Variants in HERC4 observed in about 807,000 individuals in gnomAD.
HERC4 encodes probable E3 ubiquitin-protein ligase HERC4.
A neutral mutation model predicts 124.3 loss-of-function variants in HERC4; 28 were observed. The ratio of observed to expected loss-of-function variants is 0.23; its 90% CI spans 0.17 to 0.31. HERC4 has a LOEUF of 0.31. Among genes scored for constraint, HERC4 ranks in the 10% least tolerant of loss-of-function variants. The probability of loss-of-function intolerance (pLI) is 1.00; values close to 1 mark genes in which losing one functional copy is unlikely to be tolerated. For synonymous variants in HERC4, 407 were observed against 421.5 expected (o/e 0.97, Z 0.42); for missense variants, 713 against 1,229.3 (o/e 0.58, Z 6.28).
chr10:67,925,132 C>CA lies in HERC4; in HGVS notation c.2893dup (p.Trp965LeufsTer22). 3 of 1,606,476 alleles carry CA rather than the reference C, an allele frequency of 1.9e-6. No homozygotes were observed. The highest frequency in any genetic ancestry group is 2.6e-6 in the Non-Finnish European group (3 of 1,173,462). ...CAATGGTAATTCGTGAAATACTTCC[C>CA]AAAAAATTTTTATCGTAGGATGTTC... On this transcript the variant is annotated frameshift_variant, in exon 24 of 25. Coordinates refer to ENST00000373700, the MANE Select transcript of HERC4 (RefSeq NM_015601.4). LOFTEE classifies it high-confidence loss of function.
chr10:68,018,959 G>T (rs1564553510), intron 8 of HERC4, among the ~76,000 whole-genome samples: 2 of 118,002 alleles, frequency 1.7e-5, no homozygotes, highest in East Asian at 2.7e-4. Flanking sequence ...TTATATGAAA[G>T]TAATAAAGGT....
intron 16 of HERC4, among the ~76,000 whole-genome samples, chr10:67,964,023 A>G (rs2034695478): frequency 6.6e-6 from 1 of 151,542 alleles, no homozygotes; most frequent in Non-Finnish European, 1.5e-5. Flanking sequence ...GGAAATATTT[A>G]TTCAAAACTG....
chr10:68,012,426 T>G (rs957061152), intron 9 of HERC4, among the ~76,000 whole-genome samples: 5 of 152,216 alleles, frequency 3.3e-5, no homozygotes, highest in Non-Finnish European at 5.9e-5. Context: ...TTCTTTTCAC[T>G]TATGTACTTA....
intron 3 of HERC4, among the ~76,000 whole-genome samples, chr10:68,054,244 T>C (rs979728228): frequency 6.6e-6 from 1 of 152,160 alleles, no homozygotes; most frequent in African/African-American, 2.4e-5. Context: ...AGAGAAAAGA[T>C]TGGGAAAATG....
intron 15 of HERC4, among the ~76,000 whole-genome samples, chr10:67,983,770 G>A (rs1355599171): frequency 1.5e-5 from 2 of 135,426 alleles, no homozygotes; most frequent in Non-Finnish European, 3.1e-5. Flanking sequence ...CTGGGCAACA[G>A]AGGAAGACTC....
At chr10:68,030,232 G>C (rs1377327746) in intron 7 of HERC4, among the ~76,000 whole-genome samples, 1 of 151,686 alleles carries the variant, frequency 6.6e-6, no homozygotes, top group Non-Finnish European at 1.5e-5. Flanking sequence ...TTGAGGTCAG[G>C]AGTTCAAGAC....
rs774453477 is a variant in HERC4, at chr10:67,991,133, C to T, written c.1331+7G>A. ...AAATTTCAGCATATTAAAGAATTGC[C>T]ACTTACCTAACAGCTAAAAAACTTC... On this transcript the variant is annotated splice_region_variant and intron_variant, in intron 12 of 24. Coordinates refer to ENST00000373700, the MANE Select transcript of HERC4 (RefSeq NM_015601.4). 4 of 1,521,666 alleles carry T rather than the reference C, an allele frequency of 2.6e-6. No individual in the cohort carries two copies. The highest frequency in any genetic ancestry group is 3.5e-6 in the Non-Finnish European group (4 of 1,131,302). 94.3% of individuals were successfully genotyped at this position (1,521,666 alleles called of 1,614,324 possible). A position where few individuals can be genotyped will look rare whatever the true frequency, so the allele number is the denominator to read the frequency against.
intron 21 of HERC4, 94 bp downstream of exon 21, chr10:67,939,494 T>A (rs1445927763): frequency 4.0e-5 from 32 of 794,938 alleles, no homozygotes; most frequent in Non-Finnish European, 6.3e-5. Flanking sequence ...TCTTTAAGAA[T>A]TCCATCCATC....
intron 3 of HERC4, among the ~76,000 whole-genome samples, chr10:68,057,270 GT>G (rs2040595449): frequency 6.6e-6 from 1 of 152,106 alleles, no homozygotes; most frequent in African/African-American, 2.4e-5. Flanking sequence ...GAGTACAGAA[GT>G]ATGATCAAAC....
At chr10:68,015,444 C>T (rs140451970) in intron 8 of HERC4, among the ~76,000 whole-genome samples, 2 of 152,262 alleles carry the variant, frequency 1.3e-5, no homozygotes, top group African/African-American at 2.4e-5. Flanking sequence ...TTCTGTTTAG[C>T]GACATAAGCT....
intron 3 of HERC4, among the ~76,000 whole-genome samples, chr10:68,052,079 A>G (rs1482717886): frequency 6.6e-6 from 1 of 152,164 alleles, no homozygotes; most frequent in East Asian, 1.9e-4. Flanking sequence ...AGAAAAAAAA[A>G]GAGACATTTA....
Position 68,059,537 on chromosome 10 carries a change from C to CATATTATATATCATAATATATATCATA in HERC4, c.226+13319_226+13345dup, listed in dbSNP as rs2040762206. 9.4e-5 allele frequency among the ~76,000 whole-genome samples: 8 copies of CATATTATATATCATAATATATATCATA among 85,508 alleles called. 1 individual carries two copies. Among genetic ancestry groups the CATATTATATATCATAATATATATCATA allele is most frequent in the Non-Finnish European group, 1.6e-4 (7 of 44,118 alleles). 56.1% of individuals were successfully genotyped at this position (85,508 alleles called of 152,430 possible). On this transcript the variant is annotated intron_variant, in intron 3 of 24. Coordinates refer to ENST00000373700, the MANE Select transcript of HERC4 (RefSeq NM_015601.4). ...TATATATCATAATAATATTATATAT[C>CATATTATATATCATAATATATATCATA]ATATTATATATCATAATATATATCA... is the stretch of plus-strand genomic sequence containing the variant.
intron 3 of HERC4, among the ~76,000 whole-genome samples, chr10:68,072,542 A>G (rs547166207): frequency 2.7e-4 from 41 of 152,318 alleles, no homozygotes; most frequent in Admixed American, 5.2e-4. Context: ...TAAATTATGC[A>G]TTTAAAATCT....
intron 11 of HERC4, 62 bp downstream of exon 11, chr10:67,992,137 T>C: frequency 6.6e-7 from 1 of 1,504,354 alleles, no homozygotes; most frequent in African/African-American, 1.4e-5. Context: ...GCTCAGGCAA[T>C]CTGCCTGGTG....
rs200915628 is a variant in HERC4 at position 67,936,254 on chromosome 10, A to T, written c.2572-19T>A. ...CTGTGATCTATTAATTTAAATTTTT[A>T]AAAAAAGTCAATGTCAGACTCAAAA... On this transcript the variant is annotated intron_variant, in intron 21 of 24. Coordinates refer to ENST00000373700, the MANE Select transcript of HERC4 (RefSeq NM_015601.4). 765 of 1,455,478 alleles carry T rather than the reference A, an allele frequency of 5.3e-4. 1 individual carries two copies. Among genetic ancestry groups the T allele is most frequent in the South Asian group, 1.2e-3 (96 of 79,264 alleles). The allele number at this position is 1,455,478 out of a possible 1,614,324, so 90.2% of individuals were successfully genotyped here. A position where few individuals can be genotyped will look rare whatever the true frequency, so the allele number is the denominator to read the frequency against.
chr10:67,928,257 T>C (rs1233414164), intron 23 of HERC4, among the ~76,000 whole-genome samples: 1 of 152,082 alleles, frequency 6.6e-6, no homozygotes, highest in Non-Finnish European at 1.5e-5. Context: ...GAAGCTGTTA[T>C]ATCATTTTCA....
intron 15 of HERC4, among the ~76,000 whole-genome samples, chr10:67,986,356 ATTAT>A (rs1301938456): frequency 6.6e-6 from 1 of 152,104 alleles, no homozygotes; most frequent in African/African-American, 2.4e-5. Flanking sequence ...CATATATTGT[ATTAT>A]TTATTTTTTT....
At chr10:67,998,900 T>C (rs2037063096) in intron 9 of HERC4, among the ~76,000 whole-genome samples, 2 of 152,110 alleles carry the variant, frequency 1.3e-5, no homozygotes, top group African/African-American at 4.8e-5. Flanking sequence ...CCACCATGCC[T>C]GGCTAATTTT....
intron 3 of HERC4, among the ~76,000 whole-genome samples, chr10:68,047,929 GT>G (rs561005842): frequency 8.2e-5 from 12 of 145,492 alleles, no homozygotes; most frequent in Middle Eastern, 3.6e-3. Flanking sequence ...TTTTGTTTTT[GT>G]TTTTTTTTTT....
Sources: allele counts gnomAD v4.1 joint callset (sites outside exome capture counted in the v4.1 genomes callset), GRCh38; gene constraint gnomAD v4.1.1; transcripts MANE v1.5; gene names NCBI Gene and HGNC (gene_info 2026-07-23, HGNC 2026-07-21).